The following PACRG variants were observed in gnomAD, a reference collection of about 807,000 sequenced individuals.
The protein encoded by PACRG is parkin coregulated, also known as parkin coregulated gene protein.
In PACRG, 29 loss-of-function variants were observed where a neutral mutation model predicts 29.7. That is an observed-to-expected ratio of 0.98 (90% CI 0.73 to 1.33). The LOEUF (loss-of-function observed/expected upper bound fraction) is 1.33, where lower values mean the gene tolerates loss of function less well. Ranked by LOEUF, PACRG falls within the 40% of genes most tolerant of loss-of-function variation. PACRG has a pLI of 0.00. For synonymous variants in PACRG, 116 were observed against 118.7 expected (o/e 0.98, Z 0.15); for missense variants, 279 against 316.2 (o/e 0.88, Z 0.89).
At chr6:163,160,114 G>C (rs981398653) in intron 4 of PACRG, among the ~76,000 whole-genome samples, 1 of 152,196 alleles carries the variant, frequency 6.6e-6, no homozygotes, top group Admixed American at 6.5e-5. Context: ...CTCTGCATGG[G>C]TCTGTCCTCT....
Position 162,741,980 on chromosome 6 carries a change from T to C in PACRG, c.156+13589T>C, listed in dbSNP as rs149519654. Among the ~76,000 whole-genome samples the C allele has an allele frequency of 1.3e-3, 199 of 152,344 alleles. 1 individual carries two copies. Among genetic ancestry groups the C allele is most frequent in the African/African-American group, 4.4e-3 (185 of 41,588 alleles). Reference sequence around the variant, plus strand: ...TCATTGTGATTAACTATAGTCACCATGTTGTACAATAGATCTCTTGAATCT... The same window carrying C: ...TCATTGTGATTAACTATAGTCACCACGTTGTACAATAGATCTCTTGAATCT... On this transcript the variant is annotated intron_variant, in intron 1 of 4. Transcript: ENST00000366888.
intron 2 of PACRG, among the ~76,000 whole-genome samples, chr6:162,880,851 T>C (rs754790766): frequency 2.7e-4 from 41 of 152,318 alleles, no homozygotes; most frequent in Non-Finnish European, 4.4e-4. Context: ...CAAGGCTACA[T>C]TGCACACCAG....
At chr6:163,239,446 G>A (rs73028009) in intron 4 of PACRG, among the ~76,000 whole-genome samples, 42,380 of 151,936 alleles carry the variant, frequency 0.28, 6,339 homozygotes, top group Middle Eastern at 0.36. Flanking sequence ...TTCAACACTT[G>A]ATCATTTACC....
chr6:162,792,027 A>G (rs1194680373), intron 1 of PACRG, among the ~76,000 whole-genome samples: 1 of 152,150 alleles, frequency 6.6e-6, no homozygotes, highest in Admixed American at 6.5e-5. Context: ...AGGCTGGAGA[A>G]GAGGTGTTGG....
chr6:163,026,737 C>G (rs974460935), intron 2 of PACRG, among the ~76,000 whole-genome samples: 3 of 152,140 alleles, frequency 2.0e-5, no homozygotes, highest in Non-Finnish European at 4.4e-5. Context: ...GTTTGTGGCA[C>G]GTGGGAGCAC....
At chr6:162,911,895 GAAGAGA>G (rs1796328902) in intron 2 of PACRG, among the ~76,000 whole-genome samples, 1 of 152,180 alleles carries the variant, frequency 6.6e-6, no homozygotes, top group Non-Finnish European at 1.5e-5. Context: ...GTTGCCTTCA[GAAGAGA>G]AGTAACCTAT....
intron 2 of PACRG, among the ~76,000 whole-genome samples, chr6:162,978,415 C>T (rs1802135394): frequency 6.6e-6 from 1 of 152,028 alleles, no homozygotes; most frequent in Non-Finnish European, 1.5e-5. Flanking sequence ...AGAAATACAT[C>T]TCTCTCTGGC....
intron 4 of PACRG, chr6:163,112,034 G>T: frequency 3.1e-6 from 3 of 956,558 alleles, no homozygotes; most frequent in Non-Finnish European, 3.7e-6. Flanking sequence ...AGGTGACACT[G>T]TACCAAATTA....
intron 2 of PACRG, among the ~76,000 whole-genome samples, chr6:162,834,560 T>A (rs957824990): frequency 6.6e-6 from 1 of 151,930 alleles, no homozygotes; most frequent in Non-Finnish European, 1.5e-5. Context: ...GCAAAGACCC[T>A]GATTCTGACA....
At chr6:163,258,634 G>T (rs187506115) in intron 4 of PACRG, among the ~76,000 whole-genome samples, 3 of 152,062 alleles carry the variant, frequency 2.0e-5, no homozygotes, top group Admixed American at 1.3e-4. Flanking sequence ...GCAGGCGCTT[G>T]TAGTCCCAGC....
At chr6:163,278,385 TTCTTGGTCATGAAG>T (rs1460602958) in intron 4 of PACRG, among the ~76,000 whole-genome samples, 1 of 152,136 alleles carries the variant, frequency 6.6e-6, no homozygotes, top group Non-Finnish European at 1.5e-5. Flanking sequence ...TGCTTTTGGG[TTCTTGGTCATGAAG>T]TCTTTGTCTA....
chr6:163,272,097 G>T (rs142958922), intron 4 of PACRG, among the ~76,000 whole-genome samples: 37 of 147,076 alleles, frequency 2.5e-4, no homozygotes, highest in Non-Finnish European at 4.6e-4. Context: ...GGAGTGCAGT[G>T]GCCCAATCTT....
At chr6:162,751,295 A>C (rs762022431) in intron 1 of PACRG, among the ~76,000 whole-genome samples, 2 of 152,152 alleles carry the variant, frequency 1.3e-5, no homozygotes, top group African/African-American at 2.4e-5. Context: ...AAAAAATTTC[A>C]TATCTAAGCA....
chr6:162,823,345 G>C (rs1246511567), intron 2 of PACRG, among the ~76,000 whole-genome samples: 1 of 151,750 alleles, frequency 6.6e-6, no homozygotes, highest in Non-Finnish European at 1.5e-5. Context: ...GTTTTCTTTT[G>C]TAATATTACT....
chr6:163,240,131 C>T (rs577659394), intron 4 of PACRG, among the ~76,000 whole-genome samples: 1 of 152,196 alleles, frequency 6.6e-6, no homozygotes, highest in South Asian at 2.1e-4. Context: ...ATGCTATTCC[C>T]AGAGCTCTGC....
intron 4 of PACRG, among the ~76,000 whole-genome samples, chr6:163,174,833 G>T (rs1017348818): frequency 6.6e-6 from 1 of 151,962 alleles, no homozygotes; most frequent in Admixed American, 6.6e-5. Context: ...AGACACCAAG[G>T]ACAGTAGGTG....
intron 3 of PACRG, among the ~76,000 whole-genome samples, chr6:163,082,169 A>G (rs965808787): frequency 3.3e-5 from 5 of 152,198 alleles, no homozygotes; most frequent in African/African-American, 1.2e-4. Flanking sequence ...AACAAAATAT[A>G]GAATTTCTGT....
chr6:162,992,383 G>C (rs1353420871), intron 2 of PACRG, among the ~76,000 whole-genome samples: 1 of 140,528 alleles, frequency 7.1e-6, no homozygotes. Context: ...ACTCTTTTTG[G>C]TTGGTAAACT....
intron 2 of PACRG, among the ~76,000 whole-genome samples, chr6:163,008,578 A>G (rs1251719354): frequency 6.6e-6 from 1 of 150,564 alleles, no homozygotes; most frequent in African/African-American, 2.4e-5. Context: ...AGTTTTAAGA[A>G]AATTTGGCCA....
Sources: gnomAD v4.1 joint callset for allele counts (sites outside exome capture counted in the v4.1 genomes callset) on GRCh38, gnomAD v4.1.1 for gene constraint, MANE v1.5 for transcripts, NCBI Gene and HGNC (gene_info 2026-07-23, HGNC 2026-07-21) for gene names.